EPHB4: variants seen among roughly 807,000 people sequenced by gnomAD.
The protein encoded by EPHB4 is ephrin type-B receptor 4.
A neutral mutation model predicts 110.6 loss-of-function variants in EPHB4; 50 were observed. That is an observed-to-expected ratio of 0.45 (90% confidence interval 0.36 to 0.57). The LOEUF (loss-of-function observed/expected upper bound fraction) is 0.57. EPHB4 is among the 20% of genes least tolerant of loss of function. The probability of loss-of-function intolerance (pLI) is 0.00; values close to 1 mark genes in which losing one functional copy is unlikely to be tolerated. For missense variants in EPHB4, 1,128 were observed against 1,382.1 expected, an observed-to-expected ratio of 0.82 and a Z score of 2.91; for synonymous variants, 592 against 578.4, an observed-to-expected ratio of 1.02 and a Z score of -0.34.
chr7:100,827,085 C>CAAA lies in EPHB4; in HGVS notation c.-56_-55insTTT. 1 of 1,540,626 alleles carries CAAA rather than the reference C, an allele frequency of 6.5e-7. No individual in the cohort carries two copies. The highest frequency in any genetic ancestry group is 8.8e-7 in the Non-Finnish European group (1 of 1,139,728). On this transcript the variant is annotated 5_prime_UTR_variant, in exon 1 of 17. Transcript: ENST00000358173. ...CTGAGTTTGGGGGGCCCTCGCCCCC[C>CAAA]CAGGTCTGACTCTCCCTGGGCGGGT...
rs754386387 is a variant in EPHB4 at position 100,813,673 on chromosome 7, C to T, written c.1735G>A (p.Gly579Arg). ...GREAEYSDKH[G>R]QYLIGHGTKV... ...CCACCATGTCCGATGAGATACTGTCCGTGTTTGTCCGAATATTCTGCTTCT... is the reference window on the plus strand; with the variant it reads ...CCACCATGTCCGATGAGATACTGTCTGTGTTTGTCCGAATATTCTGCTTCT... Residue 579 changes from glycine (G) to arginine (R), a missense_variant, in exon 10 of 17, where the codon GGA (glycine) becomes AGA (arginine). Around this residue, in one of 3 missense-constraint regions of EPHB4, gnomAD observed 728 missense variants for 828.6 expected, o/e 0.88. Transcript: ENST00000358173. 21 of 1,613,984 alleles carry T rather than the reference C, an allele frequency of 1.3e-5. No homozygotes were observed. The highest frequency in any genetic ancestry group is 1.6e-5 in the Non-Finnish European group (19 of 1,180,036).
rs1411757996 is a variant in EPHB4, at chr7:100,802,586, C to T, written c.*875G>A. On this transcript the variant is annotated 3_prime_UTR_variant, in exon 17 of 17. Transcript: ENST00000358173. ...CATCACCCCTGGAGCTGGGACACGT[C>T]CCATTTTCTTTTATTTATACAAAAA... 1 of 152,166 alleles carries T rather than the reference C, an allele frequency of 6.6e-6. No individual in the cohort carries two copies. The highest frequency in any genetic ancestry group is 2.4e-5 in the African/African-American group (1 of 41,432). The allele number at this position is 152,166 out of a possible 1,614,324, so 9.4% of individuals were successfully genotyped here. A position where few individuals can be genotyped will look rare whatever the true frequency, so the allele number is the denominator to read the frequency against.
Position 100,823,659 on chromosome 7 carries a change from C to A in EPHB4, c.396G>T (p.Glu132Asp). 3 of 1,612,602 alleles carry A rather than the reference C, an allele frequency of 1.9e-6. No homozygotes were observed. The highest frequency in any genetic ancestry group is 2.5e-6 in the Non-Finnish European group (3 of 1,179,434). Residue 132 changes from glutamate to aspartate, a missense_variant, in exon 3 of 17, where the codon GAG becomes GAT. By Grantham distance (45) the Glu-to-Asp change is conservative (BLOSUM62 2). Around this residue, in one of 3 missense-constraint regions of EPHB4, gnomAD observed 728 missense variants for 828.6 expected, o/e 0.88. Coordinates refer to ENST00000358173, the MANE Select transcript of EPHB4 (RefSeq NM_004444.5). ...ACCCAGGTACCTTGATGTAGGGGTT[C>A]TCCATCCAGGCTGGCGTGAGGGCCG... The part of the protein sequence containing the change: ...TATALTPAWM[E>D]NPYIKVDTVA...
rs1317194370 is a variant in EPHB4, at chr7:100,827,261, C to T, written c.-231G>A. The stretch of plus-strand genomic sequence containing the variant: ...GCCCGGAGCGTGCTGGCAGTGGCCG[C>T]GCCGGGCGGGCGCGCAGCAAGACGT... On this transcript the variant is annotated 5_prime_UTR_variant, in exon 1 of 17. Transcript: ENST00000358173. The T allele has an allele frequency of 1.2e-5, 2 of 162,780 alleles. No individual in the cohort carries two copies. The highest frequency in any genetic ancestry group is 4.8e-5 in the African/African-American group (2 of 41,364). 10.1% of individuals were successfully genotyped at this position (162,780 alleles called of 1,614,324 possible). A position where few individuals can be genotyped will look rare whatever the true frequency, so the allele number is the denominator to read the frequency against.
intron 1 of EPHB4, among the ~76,000 whole-genome samples, chr7:100,826,034 T>C (rs1236015103): frequency 1.3e-5 from 2 of 152,200 alleles, no homozygotes; most frequent in African/African-American, 4.8e-5. Flanking sequence ...CGCTGAATCC[T>C]TCCCTTTGGG....
chr7:100,824,046 G>A, intron 2 of EPHB4, 115 bp from the exon 3 acceptor site: 5 of 1,516,940 alleles, frequency 3.3e-6, no homozygotes, highest in Non-Finnish European at 3.6e-6. Context: ...GGTACTGCGA[G>A]GAGGGCGCCT....
chr7:100,807,263 TC>T, intron 13 of EPHB4, 101 bp downstream of exon 13: 1 of 1,223,402 alleles, frequency 8.2e-7, no homozygotes, highest in Non-Finnish European at 1.2e-6. Flanking sequence ...CTGTATCCTC[TC>T]CCTGGAGCAG....
chr7:100,819,596 C>T lies in EPHB4; in HGVS notation c.1258G>A (p.Val420Ile), dbSNP rs61735975. 143 of 1,588,760 alleles carry T rather than the reference C, an allele frequency of 9.0e-5. No individual in the cohort carries two copies. In the African/African-American group the frequency reaches 1.0e-3, roughly 12 times the overall value. ...NGVSSLATGPVPFEPVNVTTD... is the reference protein window; with the variant it reads ...NGVSSLATGPIPFEPVNVTTD... The stretch of plus-strand genomic sequence containing the variant: ...GTGACATTGACAGGCTCAAATGGGA[C>T]GGGCCCCGTGGCTAAGGAGGATACC... Residue 420 changes from valine to isoleucine, a missense_variant, in exon 6 of 17, where the codon GTC (valine) becomes ATC (isoleucine). By Grantham distance (29) the Val-to-Ile change is conservative. Coordinates refer to ENST00000358173, the MANE Select transcript of EPHB4 (RefSeq NM_004444.5).
At position 100,814,007 on chromosome 7, in the gene EPHB4, G is replaced by A. The variant is rs778356891; in HGVS notation, c.1603C>T (p.Arg535Trp). The A allele has an allele frequency of 5.0e-5, 80 of 1,613,924 alleles. No individual in the cohort carries two copies. The Middle Eastern group carries it at 1.5e-3, about 30-fold the overall frequency. ...QTQLDESEGW[R>W]EQLALIAGTA... ...CCCGCAATCAGGGCCAGCTGCTCCC[G>A]CCAGCCCTCGCTCTCTGCGGAAGGA... Residue 535 changes from arginine to tryptophan, a missense_variant, in exon 9 of 17, where the codon CGG becomes TGG. By Grantham distance (101) the Arg-to-Trp change is moderately radical (BLOSUM62 -3). This residue lies in a region of EPHB4 where 728 missense variants were observed against 828.6 expected (regional missense o/e 0.88). Transcript: ENST00000358173.
chr7:100,806,240 T>G (rs314352), intron 14 of EPHB4, 180 bp downstream of exon 14: 5 of 699,416 alleles, frequency 7.1e-6, no homozygotes, highest in Admixed American at 3.7e-5. Flanking sequence ...GATTACAGGC[T>G]TGAGCCACTA....
chr7:100,818,716 T>C, intron 6 of EPHB4, 72 bp from the exon 7 acceptor site: 2 of 1,496,082 alleles, frequency 1.3e-6, no homozygotes, highest in African/African-American at 2.8e-5. Context: ...AAAATTTTTT[T>C]TTTCGAGACG....
rs314358 is a variant in EPHB4 at position 100,813,035 on chromosome 7, A to G, written c.1871-41T>C. 0.6 allele frequency: 969,760 copies of G among 1,611,832 alleles called. 293,397 individuals carry two copies. The highest frequency in any genetic ancestry group is 0.7 in the Middle Eastern group (4,253 of 6,058). On this transcript the variant is annotated intron_variant, in intron 11 of 16. Transcript: ENST00000358173. ...CAGAGGTCATCAGCTCTCCCGCTCC[A>G]GTGTGGCCCTGCCCACCCCCGCTTC...
Position 100,807,445 on chromosome 7 carries a change from G to C in EPHB4, c.2254C>G (p.Leu752Val). ...CCAAAGTCAGACACTTTGCAGACGAGGTTGCTGTTGACTAGGATGTTGCGA... is the reference window on the plus strand; with the variant it reads ...CCAAAGTCAGACACTTTGCAGACGACGTTGCTGTTGACTAGGATGTTGCGA... ...AARNILVNSN[L>V]VCKVSDFGLS... The change falls in exon 13 of 17, where the codon CTC (leucine) becomes GTC (valine). Residue 752 changes from leucine (L) to valine (V), a missense_variant. By Grantham distance (32) the Leu-to-Val change is conservative (BLOSUM62 1). Coordinates refer to ENST00000358173, the MANE Select transcript of EPHB4 (RefSeq NM_004444.5). 6.2e-7 allele frequency: 1 copy of C among 1,614,098 alleles called. No homozygotes were observed. Among genetic ancestry groups the C allele is most frequent in the South Asian group, 1.1e-5 (1 of 91,080 alleles).
chr7:100,823,543 G>T, intron 3 of EPHB4, 101 bp downstream of exon 3: 1 of 1,463,770 alleles, frequency 6.8e-7, no homozygotes, highest in East Asian at 2.3e-5. Flanking sequence ...CCAGCGCGCG[G>T]GCCAGAGGCC....
chr7:100,807,311 GC>G, intron 13 of EPHB4, 53 bp downstream of exon 13: 1 of 1,583,436 alleles, frequency 6.3e-7, no homozygotes, highest in South Asian at 1.1e-5. Context: ...TTTCCAACCT[GC>G]CCTGCCCACC....
intron 8 of EPHB4, among the ~76,000 whole-genome samples, chr7:100,816,152 T>C (rs314362): frequency 0.98 from 148,152 of 151,354 alleles, 72,590 homozygotes; most frequent in East Asian, 1. Context: ...GGCAACAGAG[T>C]GAGACTCCGT....
chr7:100,810,739 G>C (rs1584656407), intron 12 of EPHB4, among the ~76,000 whole-genome samples: 2 of 151,992 alleles, frequency 1.3e-5, no homozygotes, highest in East Asian at 3.9e-4. Context: ...GCAAGACCTT[G>C]TTTCTAAAAT....
Position 100,820,177 on chromosome 7 carries a change from G to A in EPHB4, c.928C>T (p.Arg310Trp), listed in dbSNP as rs758551897. ...AVCQCRVGYF[R>W]ARTDPRGAPC... ...GCACCCCGGGGGTCTGTGCGTGCCC[G>A]GAAGTACCCGACGCGGCACTGGCAG... The change falls in exon 5 of 17, where the codon CGG becomes TGG. Residue 310 changes from arginine to tryptophan, a missense_variant. By Grantham distance (101) the Arg-to-Trp change is moderately radical (BLOSUM62 -3). Coordinates refer to ENST00000358173, the MANE Select transcript of EPHB4 (RefSeq NM_004444.5). 7 of 1,613,952 alleles carry A rather than the reference G, an allele frequency of 4.3e-6. No individual in the cohort carries two copies. Among genetic ancestry groups the A allele is most frequent in the African/African-American group, 1.3e-5 (1 of 74,918 alleles).
chr7:100,825,526 T>C (rs756755832), intron 1 of EPHB4: 3 of 152,420 alleles, frequency 2.0e-5, no homozygotes, highest in Middle Eastern at 6.8e-3. Context: ...TCAGTTCGCA[T>C]GTCTCTCACC....
Sources: gnomAD v4.1 joint callset for allele counts (sites outside exome capture counted in the v4.1 genomes callset) on GRCh38, gnomAD v4.1.1 for gene constraint, gnomAD v4.1.1 regional missense constraint, MANE v1.5 for transcripts, NCBI Gene and HGNC (gene_info 2026-07-23, HGNC 2026-07-21) for gene names.